PELI2: variants seen among roughly 807,000 people sequenced by gnomAD.
The protein encoded by PELI2 is E3 ubiquitin-protein ligase pellino homolog 2.
In PELI2, 23 loss-of-function variants were observed where a neutral mutation model predicts 42.3. The ratio of observed to expected loss-of-function variants is 0.54; its 90% confidence interval spans 0.39 to 0.77. The LOEUF (loss-of-function observed/expected upper bound fraction) is 0.77, where lower values mean the gene tolerates loss of function less well. Among genes scored for constraint, PELI2 ranks in the 30% least tolerant of loss-of-function variants. The pLI, the probability that PELI2 is intolerant of heterozygous loss-of-function variation, is 0.00. For missense variants in PELI2, 463 were observed against 553.2 expected (o/e 0.84, Z 1.64); for synonymous variants, 245 against 212.2 (o/e 1.15, Z -1.34).
Position 56,297,459 on chromosome 14 carries a change from C to A in PELI2, c.*293C>A. On this transcript the variant is annotated 3_prime_UTR_variant, in exon 6 of 6. Transcript: ENST00000267460. ...CTATTTTTAACCTTGGGTTTTTAAC[C>A]AAGTTTTTTTTTTTTTGTAATCTTG... 2.4e-5 allele frequency: 6 copies of A among 249,790 alleles called. No individual in the cohort carries two copies. The highest frequency in any genetic ancestry group is 2.9e-5 in the Non-Finnish European group (4 of 137,004). The allele number at this position is 249,790 out of a possible 1,614,324, so 15.5% of individuals were successfully genotyped here. A position where few individuals can be genotyped will look rare whatever the true frequency, so the allele number is the denominator to read the frequency against.
chr14:56,150,656 T>G (rs866784896), intron 1 of PELI2, among the ~76,000 whole-genome samples: 4 of 152,232 alleles, frequency 2.6e-5, no homozygotes, highest in African/African-American at 9.6e-5. Context: ...TTCTAAATAT[T>G]TGAAGGGCTG....
In PELI2 at chr14:56,180,948, T is replaced by C. The variant is rs373435542; in HGVS notation, c.207+2484T>C. Among the ~76,000 whole-genome samples the C allele has an allele frequency of 2.0e-4, 30 of 152,354 alleles. No homozygotes were observed. In the South Asian group the frequency reaches 6.2e-3, roughly 32 times the overall value. On this transcript the variant is annotated intron_variant, in intron 2 of 5. Transcript: ENST00000267460. This position sits in a 1 kb window ranked among gnomAD's most constrained non-coding sequence, Gnocchi z 4.4. ...CTGATTTTCAATGAATGCACTCTTT[T>C]GTTATTTTTTCCATCTTATGTTTGT...
At chr14:56,173,058 C>T (rs138037934) in intron 1 of PELI2, among the ~76,000 whole-genome samples, 4 of 152,244 alleles carry the variant, frequency 2.6e-5, no homozygotes, top group South Asian at 2.1e-4. Flanking sequence ...ACTTTAACTG[C>T]CCCTGCATGG....
chr14:56,261,112 G>C (rs1002795653), intron 2 of PELI2, among the ~76,000 whole-genome samples: 1 of 151,974 alleles, frequency 6.6e-6, no homozygotes, highest in African/African-American at 2.4e-5. Context: ...AGTTATTCAA[G>C]TTTGGTAACT....
intron 1 of PELI2, among the ~76,000 whole-genome samples, chr14:56,143,857 A>G (rs1190509133): frequency 6.6e-6 from 1 of 152,122 alleles, no homozygotes; most frequent in African/African-American, 2.4e-5. Context: ...CCTGCAATCA[A>G]CCACTTTTTC....
chr14:56,182,771 T>TA (rs888765821), intron 2 of PELI2, among the ~76,000 whole-genome samples: 45 of 152,306 alleles, frequency 3.0e-4, no homozygotes, highest in African/African-American at 1.0e-3. Context: ...AGTTGATGAA[T>TA]AATACAACAG....
At chr14:56,129,231 G>C (rs186316523) in intron 1 of PELI2, among the ~76,000 whole-genome samples, 215 of 152,328 alleles carry the variant, frequency 1.4e-3, no homozygotes, top group Non-Finnish European at 2.0e-3. Context: ...TTAGGACCCA[G>C]TCTTGCTTGA....
At chr14:56,146,566 C>G (rs1884127895) in intron 1 of PELI2, among the ~76,000 whole-genome samples, 2 of 152,002 alleles carry the variant, frequency 1.3e-5, no homozygotes, top group East Asian at 3.9e-4. Flanking sequence ...AGGATTTTGC[C>G]AGGTTGACAT....
At chr14:56,146,707 T>G (rs1213384983) in intron 1 of PELI2, among the ~76,000 whole-genome samples, 1 of 152,208 alleles carries the variant, frequency 6.6e-6, no homozygotes, top group Admixed American at 6.5e-5. Context: ...TAGCACAGTC[T>G]TCATTACGGA....
intron 2 of PELI2, among the ~76,000 whole-genome samples, chr14:56,199,494 T>A (rs961437377): frequency 6.6e-6 from 1 of 152,228 alleles, no homozygotes. Flanking sequence ...ATATCAGGAA[T>A]ATTAAAATGG....
chr14:56,159,170 C>T (rs201056654), intron 1 of PELI2, among the ~76,000 whole-genome samples: 4 of 152,328 alleles, frequency 2.6e-5, no homozygotes, highest in Middle Eastern at 3.4e-3. Flanking sequence ...CAAATCATCC[C>T]GAAACTCAGT....
At chr14:56,238,011 C>A (rs1486409687) in intron 2 of PELI2, among the ~76,000 whole-genome samples, 1 of 151,962 alleles carries the variant, frequency 6.6e-6, no homozygotes. Flanking sequence ...TTATATGATT[C>A]TTTTTTAATG....
chr14:56,175,992 C>T (rs932640358), intron 1 of PELI2, among the ~76,000 whole-genome samples: 6 of 152,196 alleles, frequency 3.9e-5, no homozygotes, highest in African/African-American at 1.4e-4. Flanking sequence ...TTTTACAGCT[C>T]TAGCCAGCAA....
chr14:56,151,887 T>A (rs1595559665), intron 1 of PELI2, among the ~76,000 whole-genome samples: 2 of 152,226 alleles, frequency 1.3e-5, no homozygotes, highest in African/African-American at 4.8e-5. Flanking sequence ...CTAAGTCTTA[T>A]AGTTGAAATT....
intron 2 of PELI2, among the ~76,000 whole-genome samples, chr14:56,247,070 T>C (rs1566662546): frequency 6.6e-6 from 1 of 152,108 alleles, no homozygotes. Context: ...TCTGAAAAGA[T>C]TGAGTTAATA....
chr14:56,258,153 G>A (rs972086589), intron 2 of PELI2, among the ~76,000 whole-genome samples: 2 of 152,142 alleles, frequency 1.3e-5, no homozygotes, highest in Middle Eastern at 3.2e-3. Flanking sequence ...TAGTAATGAG[G>A]ATAAATTATC....
At chr14:56,137,947 G>T (rs1284982278) in intron 1 of PELI2, among the ~76,000 whole-genome samples, 1 of 152,166 alleles carries the variant, frequency 6.6e-6, no homozygotes, top group Admixed American at 6.5e-5. Flanking sequence ...CTTTACCTGA[G>T]AAGTTATGGG....
chr14:56,127,432 C>T (rs1387422212), intron 1 of PELI2, among the ~76,000 whole-genome samples: 2 of 152,122 alleles, frequency 1.3e-5, no homozygotes, highest in Non-Finnish European at 2.9e-5. Context: ...ATGAAGAGCT[C>T]ATTTATATTG....
chr14:56,188,885 C>A (rs953163967), intron 2 of PELI2, among the ~76,000 whole-genome samples: 2 of 152,060 alleles, frequency 1.3e-5, no homozygotes, highest in African/African-American at 2.4e-5. Flanking sequence ...TTAGGCTGGT[C>A]GCAGTGGCTC....
Sources: allele counts gnomAD v4.1 joint callset (sites outside exome capture counted in the v4.1 genomes callset), GRCh38; gene constraint gnomAD v4.1.1; non-coding constraint Gnocchi (gnomAD v3.1); transcripts MANE v1.5; gene names NCBI Gene and HGNC (gene_info 2026-07-23, HGNC 2026-07-21).